The following CDH2 variants were observed in gnomAD, a reference collection of about 807,000 sequenced individuals.
CDH2 encodes the protein cadherin 2.
CDH2 carries 17 observed loss-of-function variants against 92.0 expected under a neutral mutation model. The observed-to-expected ratio is 0.18, with a 90% CI of 0.13 to 0.28. CDH2 has a LOEUF of 0.28. Among genes scored for constraint, CDH2 ranks in the 10% least tolerant of loss-of-function variants. CDH2 has a pLI of 1.00. For missense variants in CDH2, 862 were observed against 1,133.1 expected, an observed-to-expected ratio of 0.76 and a Z score of 3.44; for synonymous variants, 419 against 415.9, an observed-to-expected ratio of 1.01 and a Z score of -0.09.
At position 28,003,075 on chromosome 18, in the gene CDH2, G is replaced by A; in HGVS notation, c.942C>T (p.Ser314=). ...LRYRIVSQAP[S]TPSPNMFTIN... The stretch of plus-strand genomic sequence containing the variant: ...TTGTAAACATGTTGGGTGAAGGGGT[G>A]CTTGGAGCCTGAGACACGATTCTGT... Residue 314 remains serine (S), a synonymous_variant, in exon 7 of 16, where the codon AGC becomes AGT. Coordinates refer to ENST00000269141, the MANE Select transcript of CDH2 (RefSeq NM_001792.5). The A allele has an allele frequency of 6.2e-7, 1 of 1,614,004 alleles. No homozygotes were observed. The highest frequency in any genetic ancestry group is 8.5e-7 in the Non-Finnish European group (1 of 1,179,932).
chr18:27,967,474 C>A (rs2011558470), intron 14 of CDH2, among the ~76,000 whole-genome samples: 1 of 152,178 alleles, frequency 6.6e-6, no homozygotes, highest in Non-Finnish European at 1.5e-5. Flanking sequence ...TCATTGGGTT[C>A]ATGGCCTTAC....
chr18:28,085,111 AC>A (rs1457146043), intron 2 of CDH2, among the ~76,000 whole-genome samples: 2 of 152,062 alleles, frequency 1.3e-5, no homozygotes, highest in Admixed American at 6.6e-5. Context: ...TGAGTTCTTG[AC>A]CCTGACTTCC....
At chr18:28,119,430 T>G (rs2015549837) in intron 2 of CDH2, among the ~76,000 whole-genome samples, 1 of 152,032 alleles carries the variant, frequency 6.6e-6, no homozygotes, top group African/African-American at 2.4e-5. Context: ...CAGATCTCCA[T>G]CAGTAATTGT....
At chr18:28,068,679 G>A (rs1038892202) in intron 2 of CDH2, among the ~76,000 whole-genome samples, 3 of 152,168 alleles carry the variant, frequency 2.0e-5, no homozygotes, top group Admixed American at 2.0e-4. Flanking sequence ...AATAACATTA[G>A]CAACCATCAC....
At chr18:27,968,168 T>C (rs1048980654) in intron 14 of CDH2, among the ~76,000 whole-genome samples, 4 of 152,198 alleles carry the variant, frequency 2.6e-5, no homozygotes, top group African/African-American at 9.7e-5. Flanking sequence ...TCATGTGGTA[T>C]TGCATTAATA....
At chr18:28,094,711 G>A (rs541468226) in intron 2 of CDH2, among the ~76,000 whole-genome samples, 11 of 145,064 alleles carry the variant, frequency 7.6e-5, no homozygotes, top group Admixed American at 2.8e-4. Flanking sequence ...GGAGAATGGC[G>A]TGAACCCGGG....
intron 1 of CDH2, among the ~76,000 whole-genome samples, chr18:28,167,266 A>T (rs2144363813): frequency 6.6e-6 from 1 of 152,230 alleles, no homozygotes; most frequent in Admixed American, 6.5e-5. Context: ...CATTTGGCTG[A>T]AGTGATATTG....
intron 2 of CDH2, among the ~76,000 whole-genome samples, chr18:28,029,351 C>A (rs930762965): frequency 6.6e-6 from 1 of 151,952 alleles, no homozygotes; most frequent in African/African-American, 2.4e-5. Flanking sequence ...TTGGGTAAGA[C>A]TCTTAAAATG....
intron 2 of CDH2, among the ~76,000 whole-genome samples, chr18:28,077,499 T>C (rs954314422): frequency 6.6e-6 from 1 of 152,124 alleles, no homozygotes; most frequent in African/African-American, 2.4e-5. Context: ...ATCCCAGAAA[T>C]GTCATCATTT....
chr18:27,977,983 T>A (rs1312076987), intron 14 of CDH2, among the ~76,000 whole-genome samples: 1 of 152,230 alleles, frequency 6.6e-6, no homozygotes, highest in Non-Finnish European at 1.5e-5. Flanking sequence ...ATAAAAATTA[T>A]GAATTAGATT....
In CDH2 at chr18:28,118,526, T is replaced by TTTG. The variant is rs1319607700; in HGVS notation, c.172+29144_172+29146dup. 5.3e-5 allele frequency among the ~76,000 whole-genome samples: 8 copies of TTTG among 152,162 alleles called. 1 individual carries two copies. In the South Asian group the frequency reaches 1.5e-3, roughly 28 times the overall value. On this transcript the variant is annotated intron_variant, in intron 2 of 15. Transcript: ENST00000269141. ...ACAAAACTGGGTGAGCCAAGTGTTC[T>TTTG]TTGTTGTTGTTGTTGTTTTATAATG...
At chr18:28,138,834 C>T (rs2015906227) in intron 2 of CDH2, among the ~76,000 whole-genome samples, 1 of 152,034 alleles carries the variant, frequency 6.6e-6, no homozygotes, top group African/African-American at 2.4e-5. Flanking sequence ...ATTTTAGAAA[C>T]GTTATGCTTC....
intron 15 of CDH2, among the ~76,000 whole-genome samples, chr18:27,958,588 TATAA>T (rs920778690): frequency 1.3e-5 from 2 of 150,320 alleles, no homozygotes; most frequent in Non-Finnish European, 3.0e-5. Flanking sequence ...TATACACATA[TATAA>T]ATAAGTGTAT....
At position 27,963,396 on chromosome 18, in the gene CDH2, T is replaced by C; in HGVS notation, c.2475A>G (p.Ala825=). The C allele has an allele frequency of 2.5e-6, 4 of 1,614,126 alleles. No homozygotes were observed. The highest frequency in any genetic ancestry group is 1.7e-5 in the Admixed American group (1 of 60,016). ...HAEPQYPVRS[A]APHPGDIGDF... is the part of the protein sequence containing the mutation. ...CCCCAATGTCTCCAGGGTGTGGGGC[T>C]GCAGATCGGACCGGATACTGGGGCT... The change falls in exon 15 of 16, where the codon GCA becomes GCG. Residue 825 remains alanine, a synonymous_variant. Coordinates refer to ENST00000269141, the MANE Select transcript of CDH2 (RefSeq NM_001792.5).
intron 1 of CDH2, among the ~76,000 whole-genome samples, chr18:28,172,108 T>C (rs2016474644): frequency 6.6e-6 from 1 of 151,406 alleles, no homozygotes; most frequent in Admixed American, 6.6e-5. Context: ...TGTGTGCGTG[T>C]GTGTATGCAA....
At chr18:28,162,403 G>T (rs1215076144) in intron 1 of CDH2, among the ~76,000 whole-genome samples, 1 of 152,020 alleles carries the variant, frequency 6.6e-6, no homozygotes, top group African/African-American at 2.4e-5. Flanking sequence ...GCCAAGGTGG[G>T]GTGAGGTCAG....
intron 2 of CDH2, among the ~76,000 whole-genome samples, chr18:28,018,305 G>A (rs2013310492): frequency 6.6e-6 from 1 of 151,944 alleles, no homozygotes. Flanking sequence ...AATGACCAAT[G>A]ACCATACTGC....
At chr18:27,968,949 G>C (rs556282022) in intron 14 of CDH2, among the ~76,000 whole-genome samples, 1 of 152,062 alleles carries the variant, frequency 6.6e-6, no homozygotes, top group Non-Finnish European at 1.5e-5. Context: ...TATAGCTCCC[G>C]GCATTAAAAT....
chr18:27,966,334 G>A (rs1336097581), intron 14 of CDH2, among the ~76,000 whole-genome samples: 1 of 152,094 alleles, frequency 6.6e-6, no homozygotes, highest in Admixed American at 6.5e-5. Flanking sequence ...GATACTCCTG[G>A]ATATATTACA....
Sources: gnomAD v4.1 joint callset for allele counts (sites outside exome capture counted in the v4.1 genomes callset) on GRCh38, gnomAD v4.1.1 for gene constraint, MANE v1.5 for transcripts, NCBI Gene and HGNC (gene_info 2026-07-23, HGNC 2026-07-21) for gene names.